The following MTMR2 variants were observed in gnomAD, a reference collection of about 807,000 sequenced individuals.
MTMR2 encodes the protein myotubularin related protein 2.
A neutral mutation model predicts 86.9 loss-of-function variants in MTMR2; 55 were observed. The ratio of observed to expected loss-of-function variants is 0.63; its 90% CI spans 0.51 to 0.79. The LOEUF is 0.79. Among genes scored for constraint, MTMR2 ranks in the 30% least tolerant of loss-of-function variants. The pLI, the probability that MTMR2 is intolerant of heterozygous loss-of-function variation, is 0.00. For missense variants in MTMR2, 659 were observed against 772.3 expected (o/e 0.85, Z 1.74); for synonymous variants, 241 against 266.8 (o/e 0.90, Z 0.94).
At chr11:95,883,696 A>G (rs1865419957) in intron 2 of MTMR2, among the ~76,000 whole-genome samples, 1 of 152,224 alleles carries the variant, frequency 6.6e-6, no homozygotes, top group South Asian at 2.1e-4. Context: ...TCAAAGTTCA[A>G]GATATATCTA....
Position 95,845,167 on chromosome 11 carries a change from A to G in MTMR2, c.1180-8T>C. 6.3e-7 allele frequency: 1 copy of G among 1,591,344 alleles called. No individual in the cohort carries two copies. Among genetic ancestry groups the G allele is most frequent in the Non-Finnish European group, 8.6e-7 (1 of 1,162,340 alleles). Reference sequence around the variant, plus strand: ...AGCCCCTGCAAGAATAAGCTGGAAAACAGATTTTTTAATACATTGTTTTTA... The same window carrying G: ...AGCCCCTGCAAGAATAAGCTGGAAAGCAGATTTTTTAATACATTGTTTTTA... On this transcript the variant is annotated splice_polypyrimidine_tract_variant and splice_region_variant and intron_variant, in intron 10 of 14. Transcript: ENST00000346299.
chr11:95,850,293 T>C (rs1203291858), intron 8 of MTMR2, among the ~76,000 whole-genome samples: 1 of 151,972 alleles, frequency 6.6e-6, no homozygotes, highest in African/African-American at 2.4e-5. Context: ...AAAAAGAACA[T>C]TTATCATCAT....
At chr11:95,844,906 T>TG (rs768967010) in intron 11 of MTMR2, 47 bp downstream of exon 11, 2 of 1,476,210 alleles carry the variant, frequency 1.4e-6, no homozygotes, top group Non-Finnish European at 1.9e-6. Flanking sequence ...TCACATGCCT[T>TG]GGCATGAATG....
At chr11:95,836,729 G>A (rs528345315) in intron 13 of MTMR2, among the ~76,000 whole-genome samples, 25 of 152,068 alleles carry the variant, frequency 1.6e-4, no homozygotes, top group African/African-American at 4.8e-4. Context: ...GATATAAAAT[G>A]TATGAACCTT....
intron 3 of MTMR2, among the ~76,000 whole-genome samples, chr11:95,863,244 C>T (rs1224247694): frequency 1.3e-5 from 2 of 152,134 alleles, no homozygotes; most frequent in African/African-American, 2.4e-5. Context: ...TGTGGAGCAA[C>T]AACTTTCTAA....
intron 7 of MTMR2, among the ~76,000 whole-genome samples, chr11:95,855,492 C>T (rs979380207): frequency 6.7e-6 from 1 of 150,136 alleles, no homozygotes; most frequent in Non-Finnish European, 1.5e-5. Context: ...GCTCAAGCGA[C>T]CTGCCTGCCT....
intron 13 of MTMR2, among the ~76,000 whole-genome samples, chr11:95,836,726 AATGT>A (rs1271043093): frequency 1.3e-5 from 2 of 152,040 alleles, no homozygotes; most frequent in Non-Finnish European, 2.9e-5. Context: ...AATGATATAA[AATGT>A]ATGAACCTTG....
chr11:95,895,160 G>C (rs200534456), intron 1 of MTMR2, among the ~76,000 whole-genome samples: 3 of 126,482 alleles, frequency 2.4e-5, no homozygotes, highest in Non-Finnish European at 5.1e-5. Flanking sequence ...AGGGCCAGGA[G>C]AAAAAAAAAA....
intron 1 of MTMR2, among the ~76,000 whole-genome samples, chr11:95,900,067 G>C (rs914709729): frequency 3.9e-5 from 6 of 152,114 alleles, no homozygotes; most frequent in African/African-American, 1.4e-4. Context: ...AGAGCAGTAA[G>C]ATCACTGAAT....
chr11:95,850,783 A>G, intron 7 of MTMR2, 34 bp from the exon 8 acceptor site: 1 of 1,585,918 alleles, frequency 6.3e-7, no homozygotes, highest in Non-Finnish European at 8.6e-7. Context: ...ACAAATTACT[A>G]TATAACTAAA....
intron 4 of MTMR2, 48 bp downstream of exon 4, chr11:95,862,224 T>A (rs1590997322): frequency 6.7e-7 from 1 of 1,490,908 alleles, no homozygotes; most frequent in Non-Finnish European, 9.1e-7. Context: ...CAAAACTAGC[T>A]ACAAACAACA....
In MTMR2 at chr11:95,859,610, T is replaced by C. The variant is rs185129713; in HGVS notation, c.469-978A>G. Among the ~76,000 whole-genome samples the C allele has an allele frequency of 3.6e-4, 55 of 152,298 alleles. 1 individual carries two copies. The highest frequency in any genetic ancestry group is 1.0e-3 in the Admixed American group (16 of 15,284). On this transcript the variant is annotated intron_variant, in intron 5 of 14. Transcript: ENST00000346299. ...GATTGATACTTGAATGAAACATGAA[T>C]TGTTACAAGTTCAAGGCCAGCCTGG... is the stretch of plus-strand genomic sequence containing the variant.
chr11:95,886,569 C>T (rs1865519843), intron 2 of MTMR2, among the ~76,000 whole-genome samples: 1 of 152,040 alleles, frequency 6.6e-6, no homozygotes, highest in Non-Finnish European at 1.5e-5. Flanking sequence ...ACATGTATGT[C>T]GAGTTAAGTA....
intron 2 of MTMR2, among the ~76,000 whole-genome samples, chr11:95,878,195 G>C (rs958402175): frequency 6.1e-5 from 9 of 147,278 alleles, no homozygotes; most frequent in Non-Finnish European, 1.2e-4. Context: ...ACTCTGAAAA[G>C]ACCGCACACT....
rs769009863 is a variant in MTMR2 at position 95,834,230 on chromosome 11, T to TA, written c.*1059dup. The TA allele has an allele frequency of 3.3e-4, 50 of 152,664 alleles. 1 individual carries two copies. Among genetic ancestry groups the TA allele is most frequent in the Non-Finnish European group, 6.6e-4 (45 of 67,974 alleles). 9.5% of individuals were successfully genotyped at this position (152,664 alleles called of 1,614,324 possible). ...AATGTTTCTACCAGCACCAAACTCT[T>TA]ACTTGTAGCAGGTGAACAGTGAAGC... On this transcript the variant is annotated 3_prime_UTR_variant, in exon 15 of 15. Coordinates refer to ENST00000346299, the MANE Select transcript of MTMR2 (RefSeq NM_016156.6).
At chr11:95,861,104 G>A (rs540918662) in intron 5 of MTMR2, among the ~76,000 whole-genome samples, 32 of 149,166 alleles carry the variant, frequency 2.1e-4, no homozygotes, top group Admixed American at 9.3e-4. Context: ...AGCTTGCAGT[G>A]AGCTGAGATT....
intron 12 of MTMR2, among the ~76,000 whole-genome samples, chr11:95,840,771 T>C (rs888315355): frequency 6.6e-6 from 1 of 152,120 alleles, no homozygotes; most frequent in Non-Finnish European, 1.5e-5. Context: ...AAGCTAAAAA[T>C]ATGCTCCTAA....
At chr11:95,843,745 ATATT>A (rs1374659878) in intron 11 of MTMR2, among the ~76,000 whole-genome samples, 1 of 152,096 alleles carries the variant, frequency 6.6e-6, no homozygotes, top group Non-Finnish European at 1.5e-5. Context: ...GTTTTGGAAA[ATATT>A]TTTTTTAGTT....
intron 2 of MTMR2, among the ~76,000 whole-genome samples, chr11:95,871,200 G>A (rs1049651550): frequency 6.6e-6 from 1 of 152,120 alleles, no homozygotes; most frequent in Admixed American, 6.6e-5. Context: ...TAAACATAAC[G>A]TGTGCATGTG....
Sources: gnomAD v4.1 joint callset for allele counts (sites outside exome capture counted in the v4.1 genomes callset) on GRCh38, gnomAD v4.1.1 for gene constraint, MANE v1.5 for transcripts, NCBI Gene and HGNC (gene_info 2026-07-23, HGNC 2026-07-21) for gene names.